Variants in BNC2 observed in about 807,000 individuals in gnomAD.
The protein encoded by BNC2 is zinc finger protein basonuclin-2.
A neutral mutation model predicts 76.3 loss-of-function variants in BNC2; 20 were observed. The observed-to-expected ratio is 0.26, with a 90% CI of 0.18 to 0.38. The LOEUF is 0.38. Among genes scored for constraint, BNC2 ranks in the 10% least tolerant of loss-of-function variants. The probability of loss-of-function intolerance (pLI) is 1.00; values close to 1 mark genes in which losing one functional copy is unlikely to be tolerated. For synonymous variants in BNC2, 582 were observed against 514.8 expected (o/e 1.13, Z -1.77); for missense variants, 1,382 against 1,399.8 (o/e 0.99, Z 0.20).
intron 1 of BNC2, among the ~76,000 whole-genome samples, chr9:16,761,556 A>C (rs962751309): frequency 6.6e-6 from 1 of 152,204 alleles, no homozygotes; most frequent in Non-Finnish European, 1.5e-5. Context: ...TTAGACTCTT[A>C]TGCTTTTGCG....
At chr9:16,714,911 C>G (rs1431041530) in intron 3 of BNC2, among the ~76,000 whole-genome samples, 2 of 152,150 alleles carry the variant, frequency 1.3e-5, no homozygotes, top group African/African-American at 2.4e-5. Flanking sequence ...AAAATATAGA[C>G]AGGCATTTTA....
intron 6 of BNC2, among the ~76,000 whole-genome samples, chr9:16,423,892 C>A (rs1820755354): frequency 6.6e-6 from 1 of 152,138 alleles, no homozygotes; most frequent in African/African-American, 2.4e-5. Context: ...AGACCAATAT[C>A]ACCCTTAAAA....
In BNC2 at chr9:16,436,070, G is replaced by A. The variant is rs145645768; in HGVS notation, c.2124C>T (p.Ala708=). 157 of 1,614,028 alleles carry A rather than the reference G, an allele frequency of 9.7e-5. No individual in the cohort carries two copies. In the East Asian group the frequency reaches 2.7e-3, roughly 27 times the overall value. Residue 708 remains alanine, a synonymous_variant, in exon 6 of 7, where the codon GCC becomes GCT. Transcript: ENST00000380672. ...RCISRTEIRR[A]DSMTSEDQEP... is the part of the protein sequence containing the mutation. ...CTTGGTCTTCAGAAGTCATGCTGTC[G>A]GCCCTCCTTATTTCAGTCCTTGAAA...
chr9:16,755,119 T>C (rs901487553), intron 1 of BNC2, among the ~76,000 whole-genome samples: 1 of 152,150 alleles, frequency 6.6e-6, no homozygotes, highest in Non-Finnish European at 1.5e-5. Context: ...TACCTGACTC[T>C]GTAAAAAGGT....
intron 3 of BNC2, among the ~76,000 whole-genome samples, chr9:16,672,541 CA>C (rs1263601757): frequency 1.3e-5 from 2 of 152,072 alleles, no homozygotes; most frequent in East Asian, 3.9e-4. Flanking sequence ...CAATCCAGAG[CA>C]AAAAATCCTA....
At chr9:16,844,734 G>C (rs982221541) in intron 1 of BNC2, among the ~76,000 whole-genome samples, 4 of 152,070 alleles carry the variant, frequency 2.6e-5, no homozygotes, top group Admixed American at 2.0e-4. Context: ...CCTTACCTCA[G>C]GTGATCCACC....
intron 3 of BNC2, among the ~76,000 whole-genome samples, chr9:16,683,180 G>A (rs1822876713): frequency 6.6e-6 from 1 of 152,158 alleles, no homozygotes; most frequent in Non-Finnish European, 1.5e-5. Flanking sequence ...TACATTCATT[G>A]ACCACAGTAG....
chr9:16,531,750 A>C (rs2132236141), intron 5 of BNC2, among the ~76,000 whole-genome samples: 1 of 152,280 alleles, frequency 6.6e-6, no homozygotes, highest in African/African-American at 2.4e-5. Flanking sequence ...AATCATGCAC[A>C]CCATTAGTTT....
At chr9:16,532,289 T>C (rs1379490103) in intron 5 of BNC2, among the ~76,000 whole-genome samples, 2 of 152,138 alleles carry the variant, frequency 1.3e-5, no homozygotes, top group Admixed American at 6.6e-5. Context: ...AATGAAAATA[T>C]TTATTTTCCC....
intron 1 of BNC2, among the ~76,000 whole-genome samples, chr9:16,757,393 A>G (rs1825416215): frequency 6.6e-6 from 1 of 152,206 alleles, no homozygotes; most frequent in African/African-American, 2.4e-5. Flanking sequence ...GGCTACCATC[A>G]GTGTCCAGCT....
intron 4 of BNC2, among the ~76,000 whole-genome samples, chr9:16,563,894 C>A (rs1819088315): frequency 6.6e-6 from 1 of 152,172 alleles, no homozygotes; most frequent in Non-Finnish European, 1.5e-5. Context: ...TTATGTTTAA[C>A]AAATTGTTAA....
At chr9:16,756,339 T>G (rs1825383601) in intron 1 of BNC2, among the ~76,000 whole-genome samples, 1 of 152,196 alleles carries the variant, frequency 6.6e-6, no homozygotes, top group South Asian at 2.1e-4. Context: ...ACACCCCACA[T>G]GCAGTCAACC....
chr9:16,624,502 CT>C lies in BNC2; in HGVS notation c.331-41418del, dbSNP rs527723328. Among the ~76,000 whole-genome samples, 10 of 152,266 alleles carry C rather than the reference CT, an allele frequency of 6.6e-5. No homozygotes were observed. In the South Asian group the frequency reaches 1.9e-3, roughly 28 times the overall value. On this transcript the variant is annotated intron_variant, in intron 3 of 6. Transcript: ENST00000380672. ...CTGTAACAGCCAAATAAACCTTGTG[CT>C]TTAAAAACAGATCAGGTCACTTGAG...
At chr9:16,625,587 C>T (rs1042975742) in intron 3 of BNC2, 6 of 152,108 alleles carry the variant, frequency 3.9e-5, no homozygotes, top group Admixed American at 6.5e-5. Flanking sequence ...AATCCACTGG[C>T]GTTTTAAAAA....
chr9:16,810,370 G>A (rs1014617979), intron 1 of BNC2, among the ~76,000 whole-genome samples: 1 of 152,328 alleles, frequency 6.6e-6, no homozygotes, highest in South Asian at 2.1e-4. Flanking sequence ...CAAAACCAAG[G>A]AGTCGTGAAA....
rs544452266 is a variant in BNC2, at chr9:16,818,311, G to A, written c.3+52335C>T. Among the ~76,000 whole-genome samples the A allele has an allele frequency of 3.9e-5, 6 of 152,302 alleles. 1 individual carries two copies. The East Asian group carries it at 1.2e-3, about 30-fold the overall frequency. On this transcript the variant is annotated intron_variant, in intron 1 of 6. Coordinates refer to ENST00000380672, the MANE Select transcript of BNC2 (RefSeq NM_017637.6). The stretch of plus-strand genomic sequence containing the variant: ...CCCAGCTACTTGGGAGGCTGAGGCA[G>A]GAGAATGGCGTGAACCTTGGAGGCG...
At chr9:16,422,907 G>C (rs1022589077) in intron 6 of BNC2, among the ~76,000 whole-genome samples, 6 of 152,180 alleles carry the variant, frequency 3.9e-5, no homozygotes. Flanking sequence ...AAGACCTAGG[G>C]TTAATAGCAA....
Position 16,660,431 on chromosome 9 carries a change from G to A in BNC2, c.330+67366C>T, listed in dbSNP as rs368060615. ...ATCGTGCCACTGCACTCCAGACTGG[G>A]CCATAAGAGCGAAAGTCCATCTCAA... On this transcript the variant is annotated intron_variant, in intron 3 of 6. Transcript: ENST00000380672. Among the ~76,000 whole-genome samples the A allele has an allele frequency of 2.7e-5, 4 of 149,796 alleles. No homozygotes were observed. In the East Asian group the frequency reaches 5.9e-4, roughly 22 times the overall value.
intron 3 of BNC2, among the ~76,000 whole-genome samples, chr9:16,718,272 G>T (rs1268565234): frequency 1.3e-5 from 2 of 152,148 alleles, no homozygotes; most frequent in African/African-American, 2.4e-5. Flanking sequence ...CCGGCTGCCC[G>T]GCTGGCTACT....
Sources: allele counts gnomAD v4.1 joint callset (sites outside exome capture counted in the v4.1 genomes callset), GRCh38; gene constraint gnomAD v4.1.1; transcripts MANE v1.5; gene names NCBI Gene and HGNC (gene_info 2026-07-23, HGNC 2026-07-21).